TNIK: variants seen among roughly 807,000 people sequenced by gnomAD.
TNIK encodes TRAF2 and NCK-interacting protein kinase.
TNIK carries 49 observed loss-of-function variants against 191.3 expected under a neutral mutation model. That is an observed-to-expected ratio of 0.26 (90% CI 0.20 to 0.32). The LOEUF (loss-of-function observed/expected upper bound fraction) is 0.32. TNIK is among the 10% of genes least tolerant of loss of function. TNIK has a pLI of 1.00. For missense variants in TNIK, 1,155 were observed against 1,702.3 expected, an observed-to-expected ratio of 0.68 and a Z score of 5.66; for synonymous variants, 594 against 600.9, an observed-to-expected ratio of 0.99 and a Z score of 0.17.
intron 2 of TNIK, among the ~76,000 whole-genome samples, chr3:171,269,810 C>A (rs1748865484): frequency 1.3e-5 from 2 of 152,184 alleles, no homozygotes; most frequent in Non-Finnish European, 2.9e-5. Context: ...ATGGTCTTTA[C>A]TGACTCTTGC....
intron 18 of TNIK, among the ~76,000 whole-genome samples, chr3:171,117,251 A>C (rs1726876872): frequency 6.6e-6 from 1 of 152,202 alleles, no homozygotes; most frequent in Non-Finnish European, 1.5e-5. Flanking sequence ...CAAGAAATCA[A>C]GGGCTCTTTT....
chr3:171,079,929 C>T (rs1463844904), intron 27 of TNIK, among the ~76,000 whole-genome samples: 3 of 152,162 alleles, frequency 2.0e-5, no homozygotes, highest in Non-Finnish European at 4.4e-5. Flanking sequence ...CTCTCTCTTC[C>T]CAATGCAAAG....
chr3:171,091,465 G>A (rs778139187), intron 23 of TNIK, among the ~76,000 whole-genome samples: 4 of 152,046 alleles, frequency 2.6e-5, no homozygotes, highest in Non-Finnish European at 4.4e-5. Flanking sequence ...TCTCTCGGCC[G>A]GGCGTGGTAG....
At position 171,333,150 on chromosome 3, in the gene TNIK, T is replaced by C. The variant is rs942472244; in HGVS notation, c.123+36470A>G. Among the ~76,000 whole-genome samples, 6 of 152,204 alleles carry C rather than the reference T, an allele frequency of 3.9e-5. 1 individual carries two copies. The highest frequency in any genetic ancestry group is 6.8e-3 in the Middle Eastern group (2 of 294). On this transcript the variant is annotated intron_variant, in intron 2 of 32. Coordinates refer to ENST00000436636, the MANE Select transcript of TNIK (RefSeq NM_015028.4). ...TATTTTGTTTGATCCTAATAGTTGG[T>C]GTTGGGGGTGGGAGGGAGTGTGTGT...
intron 2 of TNIK, among the ~76,000 whole-genome samples, chr3:171,250,363 A>G (rs1577249550): frequency 6.6e-6 from 1 of 152,208 alleles, no homozygotes; most frequent in African/African-American, 2.4e-5. Context: ...TAGCTCCAGT[A>G]CCTTAAAAAT....
intron 2 of TNIK, among the ~76,000 whole-genome samples, chr3:171,357,551 CTTT>C (rs77632080): frequency 3.2e-5 from 4 of 126,924 alleles, no homozygotes; most frequent in Non-Finnish European, 1.7e-5. Context: ...AGCCTCTGTA[CTTT>C]TTTTTTTTTT....
At chr3:171,154,588 C>T (rs937731208) in intron 12 of TNIK, among the ~76,000 whole-genome samples, 1 of 152,194 alleles carries the variant, frequency 6.6e-6, no homozygotes, top group Non-Finnish European at 1.5e-5. Context: ...CAAACTTGCT[C>T]AAGATTACCA....
intron 2 of TNIK, among the ~76,000 whole-genome samples, chr3:171,343,313 A>G (rs1217090526): frequency 6.6e-6 from 1 of 152,200 alleles, no homozygotes; most frequent in Non-Finnish European, 1.5e-5. Context: ...TGAAAATGAG[A>G]CTAAACTAGT....
At chr3:171,185,856 G>T (rs1233568248) in intron 7 of TNIK, among the ~76,000 whole-genome samples, 1 of 152,016 alleles carries the variant, frequency 6.6e-6, no homozygotes, top group Non-Finnish European at 1.5e-5. Context: ...TTTACAGAAA[G>T]GACTTTTGTG....
intron 10 of TNIK, among the ~76,000 whole-genome samples, chr3:171,165,360 TC>T (rs1734480360): frequency 7.1e-6 from 1 of 140,490 alleles, no homozygotes; most frequent in Non-Finnish European, 1.5e-5. Context: ...AGGTGGAGGA[TC>T]CCTTGAGCCC....
chr3:171,443,015 G>A (rs892375082), intron 1 of TNIK, among the ~76,000 whole-genome samples: 1 of 152,184 alleles, frequency 6.6e-6, no homozygotes, highest in East Asian at 1.9e-4. Context: ...TCTGTGCAAT[G>A]TTCTTTCCCT....
At chr3:171,429,011 G>A (rs796105951) in intron 1 of TNIK, among the ~76,000 whole-genome samples, 1 of 152,122 alleles carries the variant, frequency 6.6e-6, no homozygotes, top group African/African-American at 2.4e-5. Flanking sequence ...TTGAACAAAT[G>A]AATGAATTTA....
chr3:171,410,841 C>A (rs1170163283), intron 1 of TNIK, among the ~76,000 whole-genome samples: 1 of 149,472 alleles, frequency 6.7e-6, no homozygotes, highest in Non-Finnish European at 1.5e-5. Context: ...TCATTTCTGC[C>A]ATATTTTATA....
intron 1 of TNIK, among the ~76,000 whole-genome samples, chr3:171,384,626 G>A (rs1267501186): frequency 6.6e-6 from 1 of 152,184 alleles, no homozygotes; most frequent in Non-Finnish European, 1.5e-5. Context: ...ATGAGGAAAT[G>A]ACTACACTTT....
At chr3:171,322,619 G>T (rs1280129600) in intron 2 of TNIK, among the ~76,000 whole-genome samples, 1 of 152,002 alleles carries the variant, frequency 6.6e-6, no homozygotes, top group African/African-American at 2.4e-5. Context: ...TGAAAACTTG[G>T]TCTACTTCTA....
intron 2 of TNIK, among the ~76,000 whole-genome samples, chr3:171,240,313 A>G (rs1457757710): frequency 1.3e-5 from 2 of 152,190 alleles, no homozygotes; most frequent in Admixed American, 6.5e-5. Flanking sequence ...GGCCCTATAG[A>G]GGACGTGGAG....
At chr3:171,283,819 G>A (rs1214717533) in intron 2 of TNIK, among the ~76,000 whole-genome samples, 1 of 152,152 alleles carries the variant, frequency 6.6e-6, no homozygotes, top group Admixed American at 6.5e-5. Context: ...CGCTGCATGG[G>A]AATACAAGCA....
intron 4 of TNIK, among the ~76,000 whole-genome samples, chr3:171,194,942 T>C (rs536002977): frequency 5.3e-5 from 7 of 132,136 alleles, no homozygotes; most frequent in South Asian, 2.7e-4. Flanking sequence ...AGAATATCTC[T>C]GTTTTAACTC....
chr3:171,088,865 T>TTTCA (rs1721695027), intron 23 of TNIK, among the ~76,000 whole-genome samples: 1 of 152,238 alleles, frequency 6.6e-6, no homozygotes, highest in African/African-American at 2.4e-5. Context: ...CTGCCTTTTC[T>TTTCA]TTCATTCATT....
Sources: allele counts gnomAD v4.1 joint callset (sites outside exome capture counted in the v4.1 genomes callset), GRCh38; gene constraint gnomAD v4.1.1; transcripts MANE v1.5; gene names NCBI Gene and HGNC (gene_info 2026-07-23, HGNC 2026-07-21).